Variants in COA8 observed in about 807,000 individuals in gnomAD.
COA8 encodes the protein cytochrome c oxidase assembly factor 8.
COA8 carries 20 observed loss-of-function variants against 22.0 expected under a neutral mutation model. The ratio of observed to expected loss-of-function variants is 0.91; its 90% CI spans 0.64 to 1.32. The LOEUF is 1.32. Ranked by LOEUF, COA8 falls within the 40% of genes most tolerant of loss-of-function variation. The pLI is 0.00. For synonymous variants in COA8, 105 were observed against 79.9 expected, an observed-to-expected ratio of 1.31 and a Z score of -1.68; for missense variants, 266 against 230.0, an observed-to-expected ratio of 1.16 and a Z score of -1.01.
At chr14:103,588,116 CAA>C (rs1221577064) in intron 4 of COA8, 1,345 of 64,210 alleles carry the variant, frequency 0.021, no homozygotes, top group East Asian at 0.03. Context: ...AACTCCATCT[CAA>C]AAAAAAAAAA....
chr14:103,585,376 G>A (rs1171709408), intron 3 of COA8, among the ~76,000 whole-genome samples: 1 of 150,692 alleles, frequency 6.6e-6, no homozygotes, highest in Non-Finnish European at 1.5e-5. Context: ...CTACTCGGGA[G>A]GCTGAGGCAG....
intron 1 of COA8, among the ~76,000 whole-genome samples, chr14:103,564,475 C>T (rs1198680264): frequency 2.6e-5 from 4 of 151,644 alleles, no homozygotes; most frequent in African/African-American, 9.7e-5. Flanking sequence ...AGACATTTCC[C>T]GGGCGGGGGG....
Position 103,562,974 on chromosome 14 carries a change from C to A in COA8, c.-28C>A. On this transcript the variant is annotated 5_prime_UTR_variant, in exon 1 of 5. It introduces an in-frame stop codon into an upstream open reading frame of the 5' UTR. Transcript: ENST00000409074. ...CTCGCGCCGTCGCAATGCTGCCGTG[C>A]GCCGCGGGAGCCAGGGGGCGTGGGG... 2 of 1,517,316 alleles carry A rather than the reference C, an allele frequency of 1.3e-6. No homozygotes were observed. The highest frequency in any genetic ancestry group is 1.8e-6 in the Non-Finnish European group (2 of 1,138,418). The allele number at this position is 1,517,316 out of a possible 1,614,324, so 94.0% of individuals were successfully genotyped here. A position where few individuals can be genotyped will look rare whatever the true frequency, so the allele number is the denominator to read the frequency against.
intron 1 of COA8, among the ~76,000 whole-genome samples, chr14:103,568,570 CGTGT>C (rs199610098): frequency 5.4e-5 from 5 of 91,784 alleles, no homozygotes; most frequent in South Asian, 5.8e-4. Flanking sequence ...CACATATATA[CGTGT>C]GTGTGTATAT....
chr14:103,587,698 A>G (rs555965764), intron 4 of COA8, among the ~76,000 whole-genome samples: 286 of 151,308 alleles, frequency 1.9e-3, no homozygotes, highest in African/African-American at 6.4e-3. Flanking sequence ...TAGTAGAGAC[A>G]GGGTTTCACC....
At chr14:103,569,440 A>G (rs948080005) in intron 1 of COA8, among the ~76,000 whole-genome samples, 2 of 152,268 alleles carry the variant, frequency 1.3e-5, no homozygotes, top group Non-Finnish European at 2.9e-5. Flanking sequence ...ATGGAAAAGT[A>G]GCCGAACACA....
At chr14:103,580,376 T>C (rs1314914996) in intron 3 of COA8, among the ~76,000 whole-genome samples, 1 of 152,180 alleles carries the variant, frequency 6.6e-6, no homozygotes, top group Non-Finnish European at 1.5e-5. Context: ...TGGTGCAGTC[T>C]CTGCTCACTG....
intron 3 of COA8, among the ~76,000 whole-genome samples, chr14:103,578,562 C>G (rs994897087): frequency 5.9e-5 from 9 of 152,178 alleles, no homozygotes; most frequent in Non-Finnish European, 1.2e-4. Context: ...AGTCAGTCTC[C>G]TAAGTATTTA....
Position 103,587,375 on chromosome 14 carries a change from A to T in COA8, c.476+11A>T, listed in dbSNP as rs1391622385. 6.3e-7 allele frequency: 1 copy of T among 1,588,420 alleles called. No individual in the cohort carries two copies. The highest frequency in any genetic ancestry group is 8.6e-7 in the Non-Finnish European group (1 of 1,161,880). ...CATGTATTATAACAGGTAGGTGTTTACTCTTTTCCTGAAAATTTGAATAGC... is the reference window on the plus strand; with the variant it reads ...CATGTATTATAACAGGTAGGTGTTTTCTCTTTTCCTGAAAATTTGAATAGC... On this transcript the variant is annotated intron_variant, in intron 4 of 4. Transcript: ENST00000409074.
intron 3 of COA8, among the ~76,000 whole-genome samples, chr14:103,583,101 C>T (rs556957785): frequency 1.3e-5 from 2 of 152,068 alleles, no homozygotes; most frequent in South Asian, 2.1e-4. Context: ...TTTTTAATGG[C>T]TGTATAATAT....
intron 4 of COA8, among the ~76,000 whole-genome samples, 182 bp downstream of exon 4, chr14:103,587,546 C>A (rs1326483493): frequency 2.1e-5 from 3 of 142,140 alleles, no homozygotes; most frequent in African/African-American, 8.0e-5. Flanking sequence ...TTCGCTCTCT[C>A]GCCCAGGCTG....
rs764388855 is a variant in COA8, at chr14:103,590,167, C to T, written c.477-14C>T. 1.2e-5 allele frequency: 20 copies of T among 1,612,238 alleles called. No individual in the cohort carries two copies. Among genetic ancestry groups the T allele is most frequent in the Non-Finnish European group, 1.6e-5 (19 of 1,178,444 alleles). On this transcript the variant is annotated splice_polypyrimidine_tract_variant and intron_variant, in intron 4 of 4. Coordinates refer to ENST00000409074, the MANE Select transcript of COA8 (RefSeq NM_001370595.2). ...TGCCACCGTGTCACCTGTGCATCCT[C>T]TGTTTCTCTACAGAGATTGGTACAA...
intron 1 of COA8, among the ~76,000 whole-genome samples, chr14:103,565,217 C>G (rs559799648): frequency 1.9e-4 from 29 of 152,176 alleles, no homozygotes; most frequent in African/African-American, 7.0e-4. Context: ...GCCTTGGCCT[C>G]CCAAAGTGCT....
At chr14:103,574,232 G>T in intron 3 of COA8, 62 bp downstream of exon 3, 1 of 1,602,200 alleles carries the variant, frequency 6.2e-7, no homozygotes, top group South Asian at 1.1e-5. Flanking sequence ...TCCATGAAAA[G>T]GGAAAGGAAG....
chr14:103,589,440 C>T (rs1033717306), intron 4 of COA8, among the ~76,000 whole-genome samples: 1 of 152,172 alleles, frequency 6.6e-6, no homozygotes, highest in South Asian at 2.1e-4. Flanking sequence ...GCTGCCAGCT[C>T]GGCAGGCCTG....
At chr14:103,586,913 A>C (rs1399031160) in intron 3 of COA8, among the ~76,000 whole-genome samples, 3 of 151,618 alleles carry the variant, frequency 2.0e-5, no homozygotes, top group African/African-American at 7.3e-5. Context: ...CATGTTGGCC[A>C]CGCTGGTCAT....
intron 1 of COA8, among the ~76,000 whole-genome samples, chr14:103,564,662 C>G (rs1049817311): frequency 6.8e-6 from 1 of 147,142 alleles, no homozygotes; most frequent in South Asian, 2.1e-4. Context: ...TCACTGCAAC[C>G]TCTGCCTCCC....
chr14:103,587,426 TC>T, intron 4 of COA8, 62 bp downstream of exon 4: 3 of 1,138,036 alleles, frequency 2.6e-6, no homozygotes, highest in Non-Finnish European at 3.8e-6. Context: ...AGGAGTGTTT[TC>T]TTACCTGAAT....
intron 2 of COA8, among the ~76,000 whole-genome samples, chr14:103,573,793 T>A (rs2142287139): frequency 6.6e-6 from 1 of 152,306 alleles, no homozygotes; most frequent in Middle Eastern, 3.4e-3. Context: ...CCTCAGGTGA[T>A]CCACCCACCT....
Sources: allele counts gnomAD v4.1 joint callset (sites outside exome capture counted in the v4.1 genomes callset), GRCh38; gene constraint gnomAD v4.1.1; transcripts MANE v1.5; gene names NCBI Gene and HGNC (gene_info 2026-07-23, HGNC 2026-07-21).